IL1RAPL1: variants seen among roughly 807,000 people sequenced by gnomAD.
The protein encoded by IL1RAPL1 is interleukin-1 receptor accessory protein-like 1.
Under a neutral mutation model 48.4 loss-of-function variants are expected in IL1RAPL1, and 3 were observed. The ratio of observed to expected loss-of-function variants is 0.06; its 90% confidence interval spans 0.03 to 0.16. The LOEUF (loss-of-function observed/expected upper bound fraction) is 0.16, where lower values mean the gene tolerates loss of function less well. IL1RAPL1 is among the 10% of genes least tolerant of loss of function. IL1RAPL1 has a pLI of 1.00. For synonymous variants in IL1RAPL1, 185 were observed against 187.7 expected, an observed-to-expected ratio of 0.99 and a Z score of 0.12; for missense variants, 349 against 530.6, an observed-to-expected ratio of 0.66 and a Z score of 3.36.
rs763605588 is a variant in IL1RAPL1 at position 29,669,200 on chromosome X, A to G, written c.778+696A>G. 2.7e-5 allele frequency among the ~76,000 whole-genome samples: 3 copies of G among 111,870 alleles called. No homozygotes were observed. In the South Asian group the frequency reaches 1.1e-3, roughly 41 times the overall value. On this transcript the variant is annotated intron_variant, in intron 6 of 10. Coordinates refer to ENST00000378993, the MANE Select transcript of IL1RAPL1 (RefSeq NM_014271.4). ...TTCCCTCTTAATTATAAATATATAC[A>G]TAGCAATTCTGTTATATTCTCTTAG...
intron 5 of IL1RAPL1, among the ~76,000 whole-genome samples, chrX:29,510,792 A>T (rs1188556497): frequency 9.0e-6 from 1 of 111,647 alleles, no homozygotes; most frequent in African/African-American, 3.3e-5. Flanking sequence ...CTTATCCTAC[A>T]TATTTCCAGA....
intron 2 of IL1RAPL1, among the ~76,000 whole-genome samples, chrX:28,834,209 A>G (rs781145583): frequency 1.8e-5 from 2 of 111,835 alleles, no homozygotes; most frequent in East Asian, 2.8e-4. Context: ...ATTACCATCA[A>G]TTAATTTTAA....
chrX:29,829,450 A>C (rs779315209), intron 6 of IL1RAPL1, among the ~76,000 whole-genome samples: 2 of 76,373 alleles, frequency 2.6e-5, no homozygotes, highest in Non-Finnish European at 6.7e-5. Flanking sequence ...AATGAAAGTT[A>C]CAATAATCTG....
intron 3 of IL1RAPL1, among the ~76,000 whole-genome samples, chrX:29,332,207 T>C (rs73631649): frequency 0.011 from 851 of 78,193 alleles, 16 homozygotes; most frequent in African/African-American, 0.037. Context: ...GACTCTTCTC[T>C]CTTCCTGACT....
At chrX:29,666,096 T>A (rs558751789) in intron 5 of IL1RAPL1, among the ~76,000 whole-genome samples, 1 of 111,359 alleles carries the variant, frequency 9.0e-6, no homozygotes, top group African/African-American at 3.2e-5. Context: ...AGTTTTTTTT[T>A]AAGTTATTAA....
chrX:28,593,785 G>A (rs2146874906), intron 1 of IL1RAPL1, among the ~76,000 whole-genome samples: 1 of 110,703 alleles, frequency 9.0e-6, no homozygotes, highest in East Asian at 2.8e-4. Flanking sequence ...ATCTTCTTAT[G>A]ACCTAATCAA....
chrX:29,569,468 T>C (rs991393797), intron 5 of IL1RAPL1, among the ~76,000 whole-genome samples: 21 of 111,335 alleles, frequency 1.9e-4, no homozygotes, highest in African/African-American at 6.8e-4. Context: ...CTTATATTTT[T>C]TGAGTGTTCG....
intron 2 of IL1RAPL1, among the ~76,000 whole-genome samples, chrX:29,249,636 G>A (rs937805650): frequency 3.6e-5 from 4 of 111,479 alleles, no homozygotes; most frequent in Admixed American, 1.9e-4. Context: ...ATATGAATCT[G>A]ACTCACATTC....
intron 2 of IL1RAPL1, among the ~76,000 whole-genome samples, chrX:29,054,219 C>G (rs745483247): frequency 9.0e-6 from 1 of 111,157 alleles, no homozygotes; most frequent in Non-Finnish European, 1.9e-5. Context: ...AGCTATACCA[C>G]CCACCTCACT....
intron 2 of IL1RAPL1, among the ~76,000 whole-genome samples, chrX:29,113,988 A>G (rs1274644926): frequency 9.0e-6 from 1 of 111,659 alleles, no homozygotes; most frequent in African/African-American, 3.2e-5. Context: ...AATGCATTAT[A>G]TCTTCTTTAA....
chrX:29,636,236 G>A (rs1259013524), intron 5 of IL1RAPL1, among the ~76,000 whole-genome samples: 1 of 111,848 alleles, frequency 8.9e-6, no homozygotes, highest in Non-Finnish European at 1.9e-5. Context: ...GCAAAAAATG[G>A]TCAAAGTTAT....
intron 5 of IL1RAPL1, among the ~76,000 whole-genome samples, chrX:29,495,151 T>G (rs928827730): frequency 8.9e-6 from 1 of 112,198 alleles, no homozygotes; most frequent in African/African-American, 3.2e-5. Flanking sequence ...TAGTTGCAAA[T>G]GCTTTATTGC....
chrX:28,770,741 T>C (rs1936298887), intron 1 of IL1RAPL1, among the ~76,000 whole-genome samples: 1 of 112,429 alleles, frequency 8.9e-6, no homozygotes, highest in Non-Finnish European at 1.9e-5. Flanking sequence ...GATTGGTATG[T>C]TAAAGCTATC....
At chrX:29,013,375 A>G (rs1926169143) in intron 2 of IL1RAPL1, among the ~76,000 whole-genome samples, 2 of 111,884 alleles carry the variant, frequency 1.8e-5, no homozygotes. Context: ...GTATATATCC[A>G]AAAGAATATA....
At chrX:29,291,703 T>A (rs886116730) in intron 3 of IL1RAPL1, among the ~76,000 whole-genome samples, 2 of 112,268 alleles carry the variant, frequency 1.8e-5, no homozygotes, top group African/African-American at 6.5e-5. Flanking sequence ...TGCTCTTCCT[T>A]TCTATATAAA....
intron 6 of IL1RAPL1, among the ~76,000 whole-genome samples, chrX:29,872,962 C>T (rs781701357): frequency 8.9e-6 from 1 of 112,066 alleles, no homozygotes; most frequent in African/African-American, 3.2e-5. Flanking sequence ...TGCTTCCTCT[C>T]TTTTTCTTAC....
At chrX:29,789,798 T>A (rs57729545) in intron 6 of IL1RAPL1, among the ~76,000 whole-genome samples, 5,235 of 90,360 alleles carry the variant, frequency 0.058, 224 homozygotes, top group African/African-American at 0.15. Flanking sequence ...TTTTTTTTTT[T>A]ATCTCAAAGT....
chrX:29,782,146 G>C (rs201292065), intron 6 of IL1RAPL1, among the ~76,000 whole-genome samples: 1 of 77,783 alleles, frequency 1.3e-5, no homozygotes, highest in East Asian at 4.3e-4. Flanking sequence ...ATCTATCTAT[G>C]TACCTACCTA....
At chrX:28,733,731 C>A (rs1771288346) in intron 1 of IL1RAPL1, among the ~76,000 whole-genome samples, 1 of 111,104 alleles carries the variant, frequency 9.0e-6, no homozygotes, top group Admixed American at 9.7e-5. Flanking sequence ...CTTCCTTAGT[C>A]ATTTCACCTA....
Sources: gnomAD v4.1 joint callset for allele counts (sites outside exome capture counted in the v4.1 genomes callset) on GRCh38, gnomAD v4.1.1 for gene constraint, MANE v1.5 for transcripts, NCBI Gene and HGNC (gene_info 2026-07-23, HGNC 2026-07-21) for gene names.